Variants in NBAS observed in about 807,000 individuals in gnomAD.
NBAS encodes NAG/BC035112 fusion.
In NBAS, 219 loss-of-function variants were observed where a neutral mutation model predicts 302.5. That is an observed-to-expected ratio of 0.72 (90% CI 0.65 to 0.81). The LOEUF (loss-of-function observed/expected upper bound fraction) is 0.81. Ranked by LOEUF, NBAS falls within the 30% of genes least tolerant of loss-of-function variation. The pLI, the probability that NBAS is intolerant of heterozygous loss-of-function variation, is 0.00. For missense variants in NBAS, 2,932 were observed against 2,841.6 expected, an observed-to-expected ratio of 1.03 and a Z score of -0.72; for synonymous variants, 1,118 against 1,021.6, an observed-to-expected ratio of 1.09 and a Z score of -1.80.
At chr2:15,253,993 T>G (rs894952189) in intron 44 of NBAS, among the ~76,000 whole-genome samples, 2 of 152,142 alleles carry the variant, frequency 1.3e-5, no homozygotes, top group African/African-American at 4.8e-5. Context: ...ACTATCAGGC[T>G]AAGAGGAGAG....
chr2:15,251,292 C>T (rs1285319413), intron 44 of NBAS, among the ~76,000 whole-genome samples: 3 of 152,182 alleles, frequency 2.0e-5, no homozygotes, highest in Non-Finnish European at 2.9e-5. Flanking sequence ...GAACATCACA[C>T]ACCAGGGCCT....
chr2:15,109,386 C>A, the NBAS span, among the ~76,000 whole-genome samples: 1 of 152,146 alleles, frequency 6.6e-6, no homozygotes, highest in African/African-American at 2.4e-5. Flanking sequence ...GGCTTTGCCA[C>A]AAGTAACTGA....
rs2148583530 is a variant in NBAS, at chr2:15,473,235, A to G, written c.1712T>C (p.Ile571Thr). 6.2e-7 allele frequency: 1 copy of G among 1,614,066 alleles called. No homozygotes were observed. Among genetic ancestry groups the G allele is most frequent in the East Asian group, 2.2e-5 (1 of 44,880 alleles). ...ATTTAAACATACCAAATAATTCTGA[A>G]TTGAAGCAACGTTGACCGCTGACTT... ...WRKSAVNVAS[I>T]QNYLSKIKKR... The change falls in exon 16 of 52, where the codon ATT becomes ACT. Residue 571 changes from isoleucine to threonine, a missense_variant. Transcript: ENST00000281513.
the NBAS span, among the ~76,000 whole-genome samples, chr2:14,843,317 C>G: frequency 2.6e-5 from 4 of 152,110 alleles, no homozygotes; most frequent in South Asian, 8.3e-4. Flanking sequence ...GTCCTGGCTA[C>G]AGCAATTAGG....
rs1990755 is a variant in NBAS, at chr2:15,475,889, C to T, written c.1148-9G>A. On this transcript the variant is annotated splice_polypyrimidine_tract_variant and intron_variant, in intron 13 of 51. Coordinates refer to ENST00000281513, the MANE Select transcript of NBAS (RefSeq NM_015909.4). Reference sequence around the variant, plus strand: ...GTAAAAGGACTCTTTATCTAAGAAGCGAAAAACAAATCAATACAAATGCAT... The same window carrying T: ...GTAAAAGGACTCTTTATCTAAGAAGTGAAAAACAAATCAATACAAATGCAT... 2.5e-5 allele frequency: 40 copies of T among 1,605,632 alleles called. No individual in the cohort carries two copies. Among genetic ancestry groups the T allele is most frequent in the South Asian group, 3.3e-5 (3 of 90,266 alleles).
At chr2:15,058,850 A>G in the NBAS span, among the ~76,000 whole-genome samples, 4 of 152,178 alleles carry the variant, frequency 2.6e-5, no homozygotes, top group Admixed American at 6.5e-5. Context: ...TGACTTGTGC[A>G]CTACATGCCA....
intron 12 of NBAS, among the ~76,000 whole-genome samples, chr2:15,488,680 C>T (rs1476875766): frequency 6.6e-6 from 1 of 152,120 alleles, no homozygotes; most frequent in Non-Finnish European, 1.5e-5. Context: ...ACTCTGTATA[C>T]AGAGTGTACC....
chr2:15,029,210 G>A, the NBAS span, among the ~76,000 whole-genome samples: 57 of 152,306 alleles, frequency 3.7e-4, no homozygotes, highest in African/African-American at 1.3e-3. Context: ...TTTAAAGCTC[G>A]TAGAGAACTC....
chr2:15,015,526 A>T, the NBAS span, among the ~76,000 whole-genome samples: 2 of 152,354 alleles, frequency 1.3e-5, no homozygotes, highest in Admixed American at 6.5e-5. Flanking sequence ...ACCAGAATAA[A>T]GGATAAAAAC....
the NBAS span, among the ~76,000 whole-genome samples, chr2:15,113,910 A>G: frequency 6.6e-6 from 1 of 152,188 alleles, no homozygotes; most frequent in Non-Finnish European, 1.5e-5. Context: ...TTGAGAATTA[A>G]TGGCTACTAA....
chr2:15,175,205 A>T (rs1418657368), intron 51 of NBAS, among the ~76,000 whole-genome samples: 1 of 152,068 alleles, frequency 6.6e-6, no homozygotes, highest in Non-Finnish European at 1.5e-5. Flanking sequence ...TGACCTCATG[A>T]TCCACCCTCC....
At chr2:14,995,451 A>G in the NBAS span, among the ~76,000 whole-genome samples, 1 of 152,190 alleles carries the variant, frequency 6.6e-6, no homozygotes, top group South Asian at 2.1e-4. Flanking sequence ...GGAACCCTCC[A>G]TTCCTGCCAC....
rs556427216 is a variant in NBAS, at chr2:15,327,016, AG to A, written c.4582+733del. ...GCTCAGTTAACAGACGGCACTGCCC[AG>A]GCTTATTGGCAGTTAGAGGTGGCCA... On this transcript the variant is annotated intron_variant, in intron 38 of 51. Coordinates refer to ENST00000281513, the MANE Select transcript of NBAS (RefSeq NM_015909.4). Among the ~76,000 whole-genome samples, 762 of 152,294 alleles carry A rather than the reference AG, an allele frequency of 5.0e-3. 2 individuals carry two copies. The highest frequency in any genetic ancestry group is 0.037 in the Middle Eastern group (11 of 294).
At chr2:14,993,337 G>A in the NBAS span, among the ~76,000 whole-genome samples, 1 of 152,048 alleles carries the variant, frequency 6.6e-6, no homozygotes, top group Non-Finnish European at 1.5e-5. Flanking sequence ...CCACATCCAA[G>A]ACAAATTGTT....
the NBAS span, among the ~76,000 whole-genome samples, chr2:14,955,055 A>G: frequency 6.6e-6 from 1 of 152,204 alleles, no homozygotes; most frequent in East Asian, 1.9e-4. Flanking sequence ...TGTAAAATCA[A>G]AACCAAGTTA....
At chr2:14,978,112 A>C in the NBAS span, among the ~76,000 whole-genome samples, 1 of 152,030 alleles carries the variant, frequency 6.6e-6, no homozygotes, top group Non-Finnish European at 1.5e-5. Flanking sequence ...CTCCACCTAG[A>C]ACTCCTTTCC....
At chr2:15,159,280 A>G in the NBAS span, among the ~76,000 whole-genome samples, 1 of 152,214 alleles carries the variant, frequency 6.6e-6, no homozygotes, top group Non-Finnish European at 1.5e-5. Flanking sequence ...GCTCAGGCCT[A>G]TGCTGTCCAG....
chr2:14,910,801 G>A, the NBAS span, among the ~76,000 whole-genome samples: 1 of 152,294 alleles, frequency 6.6e-6, no homozygotes, highest in East Asian at 1.9e-4. Flanking sequence ...AATTGGATTT[G>A]TCTTTGTTGG....
the NBAS span, among the ~76,000 whole-genome samples, chr2:14,785,192 G>T: frequency 7.2e-5 from 11 of 152,174 alleles, no homozygotes; most frequent in East Asian, 1.9e-4. Flanking sequence ...TTTGCTGAAG[G>T]TGCTTATCAG....
Sources: gnomAD v4.1 joint callset for allele counts (sites outside exome capture counted in the v4.1 genomes callset) on GRCh38, gnomAD v4.1.1 for gene constraint, MANE v1.5 for transcripts, NCBI Gene and HGNC (gene_info 2026-07-23, HGNC 2026-07-21) for gene names.